R3HDM2: variants seen among roughly 807,000 people sequenced by gnomAD.
The protein encoded by R3HDM2 is R3H domain containing 2.
In R3HDM2, 38 loss-of-function variants were observed where a neutral mutation model predicts 124.5. The ratio of observed to expected loss-of-function variants is 0.31; its 90% CI spans 0.24 to 0.40. The LOEUF is 0.40. Ranked by LOEUF, R3HDM2 falls within the 10% of genes least tolerant of loss-of-function variation. The pLI, the probability that R3HDM2 is intolerant of heterozygous loss-of-function variation, is 1.00. For synonymous variants in R3HDM2, 391 were observed against 448.0 expected (o/e 0.87, Z 1.61); for missense variants, 869 against 1,236.9 (o/e 0.70, Z 4.46).
chr12:57,395,314 G>C (rs1188731421), intron 2 of R3HDM2, among the ~76,000 whole-genome samples: 1 of 151,964 alleles, frequency 6.6e-6, no homozygotes, highest in East Asian at 1.9e-4. Context: ...AGACCAGCCT[G>C]ACCAACACGG....
chr12:57,420,566 C>T (rs1013385480), intron 1 of R3HDM2, among the ~76,000 whole-genome samples: 5 of 150,758 alleles, frequency 3.3e-5, no homozygotes, highest in African/African-American at 1.2e-4. Flanking sequence ...TTATATTGCC[C>T]AGGCTGGTCT....
intron 23 of R3HDM2, among the ~76,000 whole-genome samples, 193 bp from the exon 24 acceptor site, chr12:57,255,306 A>G (rs965406394): frequency 5.9e-5 from 9 of 152,196 alleles, no homozygotes; most frequent in Non-Finnish European, 1.0e-4. Context: ...AGAAAAACAA[A>G]TGAACCTTTC....
chr12:57,349,597 G>A (rs2060476147), intron 2 of R3HDM2, among the ~76,000 whole-genome samples: 1 of 147,800 alleles, frequency 6.8e-6, no homozygotes, highest in Non-Finnish European at 1.5e-5. Context: ...GTCTCGCTCT[G>A]TCGCCCAGGC....
At chr12:57,311,879 C>G (rs1284788217) in intron 2 of R3HDM2, among the ~76,000 whole-genome samples, 1 of 152,160 alleles carries the variant, frequency 6.6e-6, no homozygotes, top group East Asian at 1.9e-4. Flanking sequence ...ACTATCACTA[C>G]CTGGGAAATC....
intron 2 of R3HDM2, among the ~76,000 whole-genome samples, chr12:57,370,168 C>T (rs1045678609): frequency 6.6e-6 from 1 of 152,088 alleles, no homozygotes; most frequent in Non-Finnish European, 1.5e-5. Context: ...CGGTTCCCCC[C>T]GCTGTTCTCA....
intron 2 of R3HDM2, among the ~76,000 whole-genome samples, chr12:57,379,444 G>A (rs1354400946): frequency 3.3e-5 from 5 of 152,086 alleles, no homozygotes; most frequent in African/African-American, 1.2e-4. Context: ...GCCTGGCGTG[G>A]TGACGCATGC....
At chr12:57,338,079 G>A (rs867270086) in intron 2 of R3HDM2, among the ~76,000 whole-genome samples, 1 of 152,196 alleles carries the variant, frequency 6.6e-6, no homozygotes, top group Non-Finnish European at 1.5e-5. Flanking sequence ...TGAGATGGGC[G>A]GATCACCTGA....
intron 2 of R3HDM2, among the ~76,000 whole-genome samples, chr12:57,366,288 G>A (rs564551560): frequency 1.3e-5 from 2 of 152,116 alleles, no homozygotes; most frequent in South Asian, 2.1e-4. Context: ...CCAAAGTGCT[G>A]GGATTATGTG....
chr12:57,427,655 GCTTT>G (rs1868282193), intron 1 of R3HDM2, among the ~76,000 whole-genome samples: 2 of 151,884 alleles, frequency 1.3e-5, no homozygotes, highest in Non-Finnish European at 2.9e-5. Flanking sequence ...TGGCCCTGAA[GCTTT>G]CTACTAGGGG....
intron 4 of R3HDM2, among the ~76,000 whole-genome samples, chr12:57,300,622 C>A (rs2050910311): frequency 6.6e-6 from 1 of 152,186 alleles, no homozygotes; most frequent in Admixed American, 6.5e-5. Flanking sequence ...CTCTCCAGGT[C>A]TCTGTTTTTC....
chr12:57,286,546 A>G (rs1315858425), intron 12 of R3HDM2, among the ~76,000 whole-genome samples: 1 of 152,174 alleles, frequency 6.6e-6, no homozygotes. Flanking sequence ...TAGATGACCT[A>G]CATCTTCAAT....
chr12:57,374,591 G>A (rs972045745), intron 2 of R3HDM2, among the ~76,000 whole-genome samples: 8 of 144,910 alleles, frequency 5.5e-5, no homozygotes, highest in African/African-American at 2.1e-4. Context: ...GCTGAGGCAG[G>A]AGAATTACTT....
At chr12:57,300,057 A>C (rs1393104343) in intron 5 of R3HDM2, 38 bp downstream of exon 5, 1 of 1,464,206 alleles carries the variant, frequency 6.8e-7, no homozygotes, top group Non-Finnish European at 9.4e-7. Flanking sequence ...AACAACTGCC[A>C]AGCGCAAAAG....
chr12:57,332,275 T>G (rs1280988259), intron 2 of R3HDM2, among the ~76,000 whole-genome samples: 1 of 149,832 alleles, frequency 6.7e-6, no homozygotes, highest in South Asian at 2.1e-4. Flanking sequence ...ATAAACCAGG[T>G]GTGGTGACAC....
intron 2 of R3HDM2, among the ~76,000 whole-genome samples, chr12:57,338,612 G>C (rs987352418): frequency 6.6e-6 from 1 of 151,850 alleles, no homozygotes; most frequent in South Asian, 2.1e-4. Context: ...GGCTGGTCTC[G>C]AACCCCAGAC....
intron 2 of R3HDM2, among the ~76,000 whole-genome samples, chr12:57,331,041 AAT>A (rs2058123280): frequency 6.6e-6 from 1 of 152,132 alleles, no homozygotes; most frequent in Admixed American, 6.5e-5. Context: ...ATCGTCTGCA[AAT>A]AGAGATAATT....
intron 2 of R3HDM2, among the ~76,000 whole-genome samples, chr12:57,326,708 AAGG>A (rs1269142655): frequency 9.8e-5 from 15 of 152,376 alleles, no homozygotes; most frequent in Non-Finnish European, 2.1e-4. Flanking sequence ...CTTTTATTGG[AAGG>A]AGATGTCATC....
At chr12:57,287,194 C>A (rs1476514794) in intron 12 of R3HDM2, among the ~76,000 whole-genome samples, 1 of 152,136 alleles carries the variant, frequency 6.6e-6, no homozygotes, top group Non-Finnish European at 1.5e-5. Flanking sequence ...TACATGTAAT[C>A]CAGCTGACCA....
chr12:57,295,285 A>C (rs904698082), intron 10 of R3HDM2, 114 bp downstream of exon 10: 1 of 727,376 alleles, frequency 1.4e-6, no homozygotes. Context: ...AGCTCAATAC[A>C]TTTCTCCGTA....
Sources: gnomAD v4.1 joint callset for allele counts (sites outside exome capture counted in the v4.1 genomes callset) on GRCh38, gnomAD v4.1.1 for gene constraint, MANE v1.5 for transcripts, NCBI Gene and HGNC (gene_info 2026-07-23, HGNC 2026-07-21) for gene names.